The following EPHA5 variants were observed in gnomAD, a reference collection of about 807,000 sequenced individuals.
The protein encoded by EPHA5 is EPH receptor A5, also known as ephrin type-A receptor 5.
In EPHA5, 60 loss-of-function variants were observed where a neutral mutation model predicts 105.0. The ratio of observed to expected loss-of-function variants is 0.57; its 90% CI spans 0.46 to 0.71. The LOEUF (loss-of-function observed/expected upper bound fraction) is 0.71. Among genes scored for constraint, EPHA5 ranks in the 30% least tolerant of loss-of-function variants. EPHA5 has a pLI of 0.00. For missense variants in EPHA5, 1,218 were observed against 1,274.7 expected (o/e 0.96, Z 0.68); for synonymous variants, 513 against 449.1 (o/e 1.14, Z -1.80).
chr4:65,529,388 G>A (rs1735547540), intron 3 of EPHA5, among the ~76,000 whole-genome samples: 1 of 151,268 alleles, frequency 6.6e-6, no homozygotes, highest in African/African-American at 2.4e-5. Context: ...AAACATATAT[G>A]TATACCTATG....
At chr4:65,643,296 T>C in intron 2 of EPHA5, 67 bp downstream of exon 2, 3 of 1,246,998 alleles carry the variant, frequency 2.4e-6, no homozygotes, top group Non-Finnish European at 3.5e-6. Flanking sequence ...TATTCATTCC[T>C]GTGTTACAAG....
intron 3 of EPHA5, among the ~76,000 whole-genome samples, chr4:65,514,795 C>G (rs1733946602): frequency 1.3e-5 from 2 of 152,122 alleles, no homozygotes; most frequent in African/African-American, 4.8e-5. Context: ...CCCTTCACTC[C>G]TCTAATACTT....
chr4:65,595,434 G>T (rs61405285), intron 3 of EPHA5, among the ~76,000 whole-genome samples: 2 of 151,832 alleles, frequency 1.3e-5, no homozygotes, highest in Non-Finnish European at 2.9e-5. Flanking sequence ...AACGTACATA[G>T]TTTTATTTAC....
chr4:65,331,606 C>G lies in EPHA5; in HGVS notation c.2945+367G>C, dbSNP rs780277828. 9.4e-6 allele frequency: 10 copies of G among 1,068,174 alleles called. No individual in the cohort carries two copies. The East Asian group carries it at 5.1e-4, about 54-fold the overall frequency. 66.2% of individuals were successfully genotyped at this position (1,068,174 alleles called of 1,614,324 possible). On this transcript the variant is annotated intron_variant, in intron 16 of 16. Transcript: ENST00000613740. Reference sequence around the variant, plus strand: ...GGTCCTTATGTAGGACTAGCCACACCAATTGTGCTTACAGTTTATTTTGTT... The same window carrying G: ...GGTCCTTATGTAGGACTAGCCACACGAATTGTGCTTACAGTTTATTTTGTT...
chr4:65,610,190 T>C (rs1427619236), intron 2 of EPHA5, among the ~76,000 whole-genome samples: 2 of 152,168 alleles, frequency 1.3e-5, no homozygotes, highest in African/African-American at 2.4e-5. Flanking sequence ...AATAGTCTAA[T>C]ACACAACCAT....
chr4:65,476,549 A>T (rs577770759), intron 5 of EPHA5, among the ~76,000 whole-genome samples: 2 of 152,272 alleles, frequency 1.3e-5, no homozygotes, highest in East Asian at 3.9e-4. Context: ...ATTGACATAA[A>T]GGTGGCAACA....
chr4:65,529,755 T>C (rs1735585453), intron 3 of EPHA5, among the ~76,000 whole-genome samples: 3 of 152,134 alleles, frequency 2.0e-5, no homozygotes, highest in Admixed American at 2.0e-4. Flanking sequence ...TCTATTACTA[T>C]ATATCTAGGT....
At chr4:65,544,340 T>C (rs1737157115) in intron 3 of EPHA5, among the ~76,000 whole-genome samples, 1 of 152,042 alleles carries the variant, frequency 6.6e-6, no homozygotes, top group Non-Finnish European at 1.5e-5. Context: ...GACAAAGGTC[T>C]AATATCCAGG....
intron 7 of EPHA5, among the ~76,000 whole-genome samples, chr4:65,407,668 G>C (rs1206227089): frequency 1.3e-5 from 2 of 150,468 alleles, no homozygotes; most frequent in African/African-American, 4.9e-5. Flanking sequence ...ATATATTTTT[G>C]TTTATTATTT....
intron 11 of EPHA5, among the ~76,000 whole-genome samples, chr4:65,359,049 T>TA (rs1396557323): frequency 6.6e-6 from 1 of 151,668 alleles, no homozygotes; most frequent in African/African-American, 2.4e-5. Context: ...AACTTGGTTG[T>TA]ATTAACAATG....
At chr4:65,328,128 A>G (rs535498373) in intron 16 of EPHA5, among the ~76,000 whole-genome samples, 3 of 151,230 alleles carry the variant, frequency 2.0e-5, no homozygotes, top group South Asian at 2.1e-4. Context: ...GCATAATCTT[A>G]AGTAATACCG....
At position 65,343,938 on chromosome 4, in the gene EPHA5, G is replaced by T. The variant is rs1027529071; in HGVS notation, c.2595+4116C>A. ...TAAGTAATTTGAAATACAGTTATCTGAAAGAGTATCAAGACACTCAAATAG... is the reference window on the plus strand; with the variant it reads ...TAAGTAATTTGAAATACAGTTATCTTAAAGAGTATCAAGACACTCAAATAG... On this transcript the variant is annotated intron_variant, in intron 14 of 16. Transcript: ENST00000613740. Among the ~76,000 whole-genome samples, 13 of 151,736 alleles carry T rather than the reference G, an allele frequency of 8.6e-5. No individual in the cohort carries two copies. The East Asian group carries it at 2.1e-3, about 25-fold the overall frequency.
chr4:65,351,251 C>A (rs370360811), intron 13 of EPHA5, 138 bp downstream of exon 13: 21 of 698,086 alleles, frequency 3.0e-5, no homozygotes, highest in African/African-American at 2.3e-4. Flanking sequence ...TTTTGATTTT[C>A]TCTCTCCCTC....
intron 3 of EPHA5, among the ~76,000 whole-genome samples, chr4:65,501,678 G>A (rs190928708): frequency 1.3e-5 from 2 of 151,528 alleles, no homozygotes; most frequent in East Asian, 1.9e-4. Context: ...GCCATACTAC[G>A]CAAACCAATG....
chr4:65,550,196 A>G (rs1015336263), intron 3 of EPHA5, among the ~76,000 whole-genome samples: 1 of 151,996 alleles, frequency 6.6e-6, no homozygotes, highest in Non-Finnish European at 1.5e-5. Flanking sequence ...GGAAAAAGAA[A>G]CAATAAAATT....
intron 2 of EPHA5, among the ~76,000 whole-genome samples, chr4:65,629,058 T>C (rs2149488520): frequency 6.6e-6 from 1 of 152,352 alleles, no homozygotes; most frequent in Non-Finnish European, 1.5e-5. Flanking sequence ...CTCAAGGAGT[T>C]CACATTGATA....
At chr4:65,547,503 G>C (rs1447988206) in intron 3 of EPHA5, among the ~76,000 whole-genome samples, 8 of 151,280 alleles carry the variant, frequency 5.3e-5, no homozygotes, top group African/African-American at 1.7e-4. Flanking sequence ...TTTTTTTCCT[G>C]GTGTTATATT....
At position 65,488,410 on chromosome 4, in the gene EPHA5, A is replaced by G. The variant is rs150255427; in HGVS notation, c.1402+1967T>C. On this transcript the variant is annotated intron_variant, in intron 5 of 16. Transcript: ENST00000613740. ...GGTAGAAGATTCATACGTAGAATCA[A>G]GTAAAGTTGAAAGATGTTTCGTAAG... 1.7e-4 allele frequency among the ~76,000 whole-genome samples: 25 copies of G among 149,992 alleles called. No individual in the cohort carries two copies. In the East Asian group the frequency reaches 3.1e-3, roughly 19 times the overall value.
At chr4:65,574,055 A>G in intron 3 of EPHA5, 3 of 1,600,464 alleles carry the variant, frequency 1.9e-6, no homozygotes, top group Non-Finnish European at 2.6e-6. Flanking sequence ...TTGCCACCTC[A>G]ACCAAAATCG....
Sources: gnomAD v4.1 joint callset for allele counts (sites outside exome capture counted in the v4.1 genomes callset) on GRCh38, gnomAD v4.1.1 for gene constraint, MANE v1.5 for transcripts, NCBI Gene and HGNC (gene_info 2026-07-23, HGNC 2026-07-21) for gene names.